PHF21B: variants seen among roughly 807,000 people sequenced by gnomAD.
PHF21B encodes the protein PHD finger protein 4.
In PHF21B, 22 loss-of-function variants were observed where a neutral mutation model predicts 62.2. That is an observed-to-expected ratio of 0.35 (90% CI 0.25 to 0.51). The LOEUF is 0.51. Among genes scored for constraint, PHF21B ranks in the 20% least tolerant of loss-of-function variants. PHF21B has a pLI of 0.97. For synonymous variants in PHF21B, 341 were observed against 314.7 expected, an observed-to-expected ratio of 1.08 and a Z score of -0.88; for missense variants, 701 against 707.9, an observed-to-expected ratio of 0.99 and a Z score of 0.11.
At chr22:44,896,346 C>T (rs1438431539) in intron 5 of PHF21B, among the ~76,000 whole-genome samples, 29 of 152,118 alleles carry the variant, frequency 1.9e-4, no homozygotes, top group Non-Finnish European at 3.2e-4. Context: ...GGCTAAGGTG[C>T]ACATAGCTGG....
At chr22:44,927,429 C>T (rs141127067) in intron 2 of PHF21B, among the ~76,000 whole-genome samples, 78 of 152,286 alleles carry the variant, frequency 5.1e-4, no homozygotes, top group African/African-American at 1.8e-3. Context: ...CAACCATGGA[C>T]CTACAGCCCC....
intron 2 of PHF21B, among the ~76,000 whole-genome samples, chr22:44,922,408 A>G (rs2147317590): frequency 6.6e-6 from 1 of 152,320 alleles, no homozygotes; most frequent in East Asian, 1.9e-4. Flanking sequence ...CAAGGCAGGC[A>G]GATCACCTGA....
chr22:44,960,726 G>A (rs2072401442), intron 2 of PHF21B, among the ~76,000 whole-genome samples: 1 of 152,158 alleles, frequency 6.6e-6, no homozygotes, highest in African/African-American at 2.4e-5. Flanking sequence ...ACCAGCCGGA[G>A]GCCTGAACAG....
intron 2 of PHF21B, among the ~76,000 whole-genome samples, chr22:44,950,895 T>A (rs547454983): frequency 6.8e-6 from 1 of 147,816 alleles, no homozygotes; most frequent in African/African-American, 2.4e-5. Flanking sequence ...GGTTAGCCGG[T>A]GGACTTACCC....
intron 2 of PHF21B, chr22:44,971,505 T>C (rs5766247): frequency 0.81 from 123,633 of 152,078 alleles, 50,744 homozygotes; most frequent in African/African-American, 0.87. Context: ...TTGGGTGACT[T>C]GGGACCAATT....
chr22:44,906,153 C>T lies in PHF21B; in HGVS notation c.831+7669G>A, dbSNP rs544607606. Among the ~76,000 whole-genome samples the T allele has an allele frequency of 2.6e-4, 40 of 152,300 alleles. No individual in the cohort carries two copies. In the South Asian group the frequency reaches 7.1e-3, roughly 27 times the overall value. ...CTGCCGTGTTTTAGGGACACAGCAA[C>T]GTTCAGCTCCATCATTATCCTCTCT... On this transcript the variant is annotated intron_variant, in intron 5 of 12. Coordinates refer to ENST00000313237, the MANE Select transcript of PHF21B (RefSeq NM_138415.5).
intron 2 of PHF21B, among the ~76,000 whole-genome samples, chr22:44,941,145 T>C (rs906009707): frequency 2.6e-5 from 4 of 152,084 alleles, no homozygotes; most frequent in African/African-American, 9.7e-5. Flanking sequence ...CCTGAGGAAA[T>C]GGAGGATCAG....
chr22:44,924,477 T>C (rs528874218), intron 2 of PHF21B, among the ~76,000 whole-genome samples: 3 of 152,228 alleles, frequency 2.0e-5, no homozygotes, highest in Non-Finnish European at 4.4e-5. Context: ...AGATGGGGCC[T>C]CCGGGAGGTG....
rs397967091 is a variant in PHF21B, at chr22:44,936,886, T to TC, written c.121-16397dup. On this transcript the variant is annotated intron_variant, in intron 2 of 12. Coordinates refer to ENST00000313237, the MANE Select transcript of PHF21B (RefSeq NM_138415.5). Reference sequence around the variant, plus strand: ...ACTTTCTTTCTTTTTTTTTTTTTTTTCCTGAGATGGAGTTTCACTCTTATT... The same window carrying TC: ...ACTTTCTTTCTTTTTTTTTTTTTTTTCCCTGAGATGGAGTTTCACTCTTATT... Among the ~76,000 whole-genome samples, 3 of 146,342 alleles carry TC rather than the reference T, an allele frequency of 2.0e-5. No individual in the cohort carries two copies. In the South Asian group the frequency reaches 6.4e-4, roughly 31 times the overall value.
intron 6 of PHF21B, 56 bp downstream of exon 6, chr22:44,895,976 C>G (rs561515235): frequency 4.2e-5 from 68 of 1,600,464 alleles, no homozygotes; most frequent in Admixed American, 2.0e-4. Flanking sequence ...GCCCCCAACA[C>G]CCCGGCTTTC....
intron 2 of PHF21B, among the ~76,000 whole-genome samples, chr22:44,983,241 A>AT (rs935214470): frequency 8.5e-4 from 3 of 3,538 alleles, no homozygotes; most frequent in Non-Finnish European, 2.0e-3. Flanking sequence ...CTCAAAAAAA[A>AT]AAAAAAAAAA....
At chr22:44,983,969 T>G (rs1286329682) in intron 2 of PHF21B, among the ~76,000 whole-genome samples, 2 of 151,694 alleles carry the variant, frequency 1.3e-5, no homozygotes, top group Non-Finnish European at 2.9e-5. Context: ...CTTTCCGACA[T>G]GCCGATGTCC....
chr22:44,918,267 G>A (rs1257054618), intron 3 of PHF21B, among the ~76,000 whole-genome samples: 6 of 152,248 alleles, frequency 3.9e-5, no homozygotes, highest in African/African-American at 9.6e-5. Context: ...GGCAGTGGCC[G>A]TTCCGTGTTC....
chr22:44,990,689 T>C (rs2073029289), intron 2 of PHF21B, among the ~76,000 whole-genome samples: 1 of 151,952 alleles, frequency 6.6e-6, no homozygotes, highest in African/African-American at 2.4e-5. Flanking sequence ...GGAATAGGAG[T>C]AATTGTTTCA....
rs1320057277 is a variant in PHF21B, at chr22:44,896,094, G to C, written c.832-11C>G. ...CATGAAGGCGATTTTCTGAGGGAAG[G>C]AACAGACAAAGGAGCATTAACACAA... On this transcript the variant is annotated splice_polypyrimidine_tract_variant and intron_variant, in intron 5 of 12. Transcript: ENST00000313237. The C allele has an allele frequency of 6.2e-7, 1 of 1,614,100 alleles. No homozygotes were observed. The highest frequency in any genetic ancestry group is 8.5e-7 in the Non-Finnish European group (1 of 1,179,986).
chr22:44,917,998 G>A (rs542408817), intron 3 of PHF21B, among the ~76,000 whole-genome samples: 2 of 152,372 alleles, frequency 1.3e-5, no homozygotes, highest in Non-Finnish European at 2.9e-5. Flanking sequence ...ACGGGCAGGC[G>A]ATGTGGCCAG....
At chr22:44,921,003 G>A (rs182863203) in intron 2 of PHF21B, among the ~76,000 whole-genome samples, 2 of 152,190 alleles carry the variant, frequency 1.3e-5, no homozygotes, top group East Asian at 1.9e-4. Flanking sequence ...CCACATCACA[G>A]AGCATTTCTG....
At chr22:44,953,193 C>T (rs2072228302) in intron 2 of PHF21B, among the ~76,000 whole-genome samples, 1 of 152,196 alleles carries the variant, frequency 6.6e-6, no homozygotes, top group South Asian at 2.1e-4. Context: ...GCAGCTGGGG[C>T]AGAAATGGCT....
At chr22:44,995,999 T>C (rs1250384323) in intron 2 of PHF21B, among the ~76,000 whole-genome samples, 8 of 152,168 alleles carry the variant, frequency 5.3e-5, no homozygotes, top group Non-Finnish European at 1.2e-4. Context: ...GGGGTGTCCC[T>C]TCTGGCCGGG....
Sources: gnomAD v4.1 joint callset for allele counts (sites outside exome capture counted in the v4.1 genomes callset) on GRCh38, gnomAD v4.1.1 for gene constraint, MANE v1.5 for transcripts, NCBI Gene and HGNC (gene_info 2026-07-23, HGNC 2026-07-21) for gene names.